Variants in MSI2 observed in about 807,000 individuals in gnomAD.
MSI2 encodes musashi RNA binding protein 2, also known as RNA-binding protein Musashi homolog 2.
In MSI2, 17 loss-of-function variants were observed where a neutral mutation model predicts 45.6. The ratio of observed to expected loss-of-function variants is 0.37; its 90% CI spans 0.26 to 0.56. MSI2 has a LOEUF of 0.56. Among genes scored for constraint, MSI2 ranks in the 20% least tolerant of loss-of-function variants. MSI2 has a pLI of 0.77. For synonymous variants in MSI2, 156 were observed against 158.2 expected, an observed-to-expected ratio of 0.99 and a Z score of 0.11; for missense variants, 293 against 444.2, an observed-to-expected ratio of 0.66 and a Z score of 3.06.
chr17:57,401,599 C>T (rs2083992519), intron 6 of MSI2, 128 bp downstream of exon 6: 1 of 693,274 alleles, frequency 1.4e-6, no homozygotes, highest in East Asian at 2.7e-5. Flanking sequence ...ACCTGGCCAT[C>T]ATGATTTAAG....
intron 7 of MSI2, among the ~76,000 whole-genome samples, chr17:57,593,959 T>G (rs1300549907): frequency 1.3e-5 from 2 of 152,220 alleles, no homozygotes; most frequent in Middle Eastern, 3.2e-3. Context: ...TCCACGTCCT[T>G]CACAGTGCCT....
chr17:57,661,981 C>G (rs1249492202), intron 11 of MSI2, among the ~76,000 whole-genome samples: 1 of 152,210 alleles, frequency 6.6e-6, no homozygotes, highest in African/African-American at 2.4e-5. Flanking sequence ...TTGCATGTGT[C>G]TGCGGGTGGC....
At chr17:57,447,546 G>A (rs988812159) in intron 6 of MSI2, among the ~76,000 whole-genome samples, 5 of 152,160 alleles carry the variant, frequency 3.3e-5, no homozygotes, top group Non-Finnish European at 5.9e-5. Flanking sequence ...CAGCTGTGCA[G>A]TCAAGCCCTG....
chr17:57,451,287 T>A (rs968402324), intron 6 of MSI2, among the ~76,000 whole-genome samples: 2 of 152,084 alleles, frequency 1.3e-5, no homozygotes, highest in Non-Finnish European at 2.9e-5. Flanking sequence ...GGTGCGTGCA[T>A]GTGTGTGGGT....
intron 9 of MSI2, among the ~76,000 whole-genome samples, chr17:57,625,392 G>T (rs115366749): frequency 0.015 from 2,269 of 152,314 alleles, 55 homozygotes; most frequent in African/African-American, 0.052. Context: ...AGGCACAAAA[G>T]CTCTGAGTAG....
At chr17:57,382,365 G>A (rs1982268) in intron 5 of MSI2, among the ~76,000 whole-genome samples, 150,216 of 152,302 alleles carry the variant, frequency 0.99, 74,112 homozygotes, top group Middle Eastern at 1. Flanking sequence ...AGTTTTCAAT[G>A]GAGTAGTTAA....
intron 5 of MSI2, among the ~76,000 whole-genome samples, chr17:57,339,764 G>T (rs1451796556): frequency 6.6e-6 from 1 of 152,138 alleles, no homozygotes; most frequent in Admixed American, 6.5e-5. Flanking sequence ...CCACCCGTGA[G>T]TCTCCATCAC....
intron 6 of MSI2, among the ~76,000 whole-genome samples, chr17:57,480,583 C>T (rs2085629165): frequency 6.6e-6 from 1 of 152,194 alleles, no homozygotes; most frequent in African/African-American, 2.4e-5. Flanking sequence ...AAGATTGGAT[C>T]ATGTGAGCAG....
chr17:57,417,055 C>T (rs565434166), intron 6 of MSI2, among the ~76,000 whole-genome samples: 26 of 152,202 alleles, frequency 1.7e-4, no homozygotes, highest in Middle Eastern at 3.4e-3. Context: ...AGTGTCACTG[C>T]GAGGTGGGGA....
At chr17:57,674,051 C>T (rs1240496052) in intron 11 of MSI2, among the ~76,000 whole-genome samples, 6 of 151,526 alleles carry the variant, frequency 4.0e-5, no homozygotes, top group South Asian at 2.1e-4. Context: ...GCTTCCACCC[C>T]AGCTCTGGCC....
rs564612025 is a variant in MSI2 at position 57,280,669 on chromosome 17, A to G, written c.312+18477A>G. Among the ~76,000 whole-genome samples the G allele has an allele frequency of 6.6e-6, 1 of 152,282 alleles. No individual in the cohort carries two copies. The highest frequency in any genetic ancestry group is 1.9e-4 in the East Asian group (1 of 5,180). ...TGTAACCCCTTGGCTGGCAATCGGC[A>G]TACTCTTAGTGACGGACCCCTATTG... On this transcript the variant is annotated intron_variant, in intron 5 of 13. Coordinates refer to ENST00000284073, the MANE Select transcript of MSI2 (RefSeq NM_138962.4). This position sits in a 1 kb window ranked among gnomAD's most constrained non-coding sequence, Gnocchi z 4.2.
At chr17:57,498,714 C>T (rs1329478960) in intron 6 of MSI2, among the ~76,000 whole-genome samples, 1 of 152,260 alleles carries the variant, frequency 6.6e-6, no homozygotes, top group South Asian at 2.1e-4. Context: ...TGGGGGAAAT[C>T]CCCTAGTTGC....
At chr17:57,473,049 T>C (rs963425556) in intron 6 of MSI2, among the ~76,000 whole-genome samples, 3 of 151,906 alleles carry the variant, frequency 2.0e-5, no homozygotes, top group Admixed American at 1.3e-4. Flanking sequence ...CCTGACACCA[T>C]GTCTAGCTAA....
intron 6 of MSI2, among the ~76,000 whole-genome samples, chr17:57,501,067 A>T (rs1170349235): frequency 6.6e-6 from 1 of 152,110 alleles, no homozygotes; most frequent in Non-Finnish European, 1.5e-5. Context: ...ACACCGTCTC[A>T]TTTCACCTCA....
chr17:57,505,994 C>G (rs927751299), intron 6 of MSI2, among the ~76,000 whole-genome samples: 1 of 152,196 alleles, frequency 6.6e-6, no homozygotes, highest in Middle Eastern at 3.2e-3. Flanking sequence ...ATGGCCCCCT[C>G]CAGACTCTCT....
intron 11 of MSI2, among the ~76,000 whole-genome samples, chr17:57,655,362 G>T (rs1567962511): frequency 6.6e-6 from 1 of 152,166 alleles, no homozygotes; most frequent in Non-Finnish European, 1.5e-5. Flanking sequence ...CCTAAATTCA[G>T]TTTGACAGAA....
intron 6 of MSI2, among the ~76,000 whole-genome samples, chr17:57,444,077 G>A (rs771551429): frequency 1.7e-4 from 26 of 152,082 alleles, no homozygotes; most frequent in Non-Finnish European, 3.1e-4. Flanking sequence ...GCTGACTTCT[G>A]CCCCATTCCC....
chr17:57,545,040 C>T (rs769119892), intron 7 of MSI2, among the ~76,000 whole-genome samples: 2 of 152,148 alleles, frequency 1.3e-5, no homozygotes, highest in Non-Finnish European at 1.5e-5. Context: ...TCTTGGCTGG[C>T]AGCCAGTGGA....
chr17:57,576,946 G>A (rs184104298), intron 7 of MSI2, among the ~76,000 whole-genome samples: 209 of 152,184 alleles, frequency 1.4e-3, no homozygotes, highest in African/African-American at 3.1e-3. Context: ...AGTCCAGTCC[G>A]GTATTTGGTT....
Sources: allele counts gnomAD v4.1 joint callset (sites outside exome capture counted in the v4.1 genomes callset), GRCh38; gene constraint gnomAD v4.1.1; non-coding constraint Gnocchi (gnomAD v3.1); transcripts MANE v1.5; gene names NCBI Gene and HGNC (gene_info 2026-07-23, HGNC 2026-07-21).